SAP130: variants seen among roughly 807,000 people sequenced by gnomAD.
SAP130 encodes histone deacetylase complex subunit SAP130.
In SAP130, 16 loss-of-function variants were observed where a neutral mutation model predicts 103.2. That is an observed-to-expected ratio of 0.16 (90% confidence interval 0.10 to 0.24). The LOEUF is 0.24. Among genes scored for constraint, SAP130 ranks in the 10% least tolerant of loss-of-function variants. The pLI is 1.00. For missense variants in SAP130, 990 were observed against 1,359.7 expected, an observed-to-expected ratio of 0.73 and a Z score of 4.28; for synonymous variants, 477 against 497.0, an observed-to-expected ratio of 0.96 and a Z score of 0.53.
At position 127,978,106 on chromosome 2, in the gene SAP130, A is replaced by G. The variant is rs1373156458; in HGVS notation, c.1959-17T>C. On this transcript the variant is annotated splice_polypyrimidine_tract_variant and intron_variant, in intron 14 of 20. Coordinates refer to ENST00000643581, the MANE Select transcript of SAP130 (RefSeq NM_001330301.2). ...ACTGCCATTCTGAAAGAGACAAGAG[A>G]CAAACCCGGAGAACAGCAGTCCAAG... The G allele has an allele frequency of 5.2e-6, 8 of 1,541,604 alleles. No individual in the cohort carries two copies. In the Admixed American group the frequency reaches 1.6e-4, roughly 30 times the overall value.
At chr2:127,944,000 TTTTC>T (rs1212487454) in intron 19 of SAP130, among the ~76,000 whole-genome samples, 8 of 152,192 alleles carry the variant, frequency 5.3e-5, no homozygotes, top group African/African-American at 1.7e-4. Context: ...ACAAAAAATA[TTTTC>T]TTTCTTTGTA....
rs1679382755 is a variant in SAP130 at position 127,950,013 on chromosome 2, T to C, written c.2672-19A>G. ...TCCTCATCTGTTAAAGAGAAGACAT[T>C]AAACAACTTAGTAACACTGTCAACA... On this transcript the variant is annotated intron_variant, in intron 17 of 20. Coordinates refer to ENST00000643581, the MANE Select transcript of SAP130 (RefSeq NM_001330301.2). 1.2e-6 allele frequency: 2 copies of C among 1,613,564 alleles called. No individual in the cohort carries two copies. The highest frequency in any genetic ancestry group is 1.7e-6 in the Non-Finnish European group (2 of 1,179,668).
intron 1 of SAP130, chr2:128,027,212 C>T (rs1685574616): frequency 1.7e-6 from 2 of 1,210,496 alleles, no homozygotes; most frequent in Admixed American, 4.4e-5. Flanking sequence ...ATCGCGGCGG[C>T]GGCGCCCGGG....
chr2:128,027,648 C>A (rs1404524440), intron 1 of SAP130, among the ~76,000 whole-genome samples: 1 of 144,236 alleles, frequency 6.9e-6, no homozygotes, highest in Non-Finnish European at 1.5e-5. Flanking sequence ...CCCGCCCGCG[C>A]TCCCCCGGCC....
In SAP130 at chr2:127,986,925, G is replaced by A. The variant is rs754220405; in HGVS notation, c.1818C>T (p.Asn606=). Residue 606 remains asparagine (N), a synonymous_variant, in exon 14 of 21, where the codon AAC becomes AAT. Coordinates refer to ENST00000643581, the MANE Select transcript of SAP130 (RefSeq NM_001330301.2). This position sits in a 1 kb window ranked among gnomAD's most constrained non-coding sequence, Gnocchi z 4.7. Reference sequence around the variant, plus strand: ...CAGCACTGAATGGATTGCTAATAGGGTTGGCCACAATTGTGGCTCCATCTG... The same window carrying A: ...CAGCACTGAATGGATTGCTAATAGGATTGGCCACAATTGTGGCTCCATCTG... The part of the protein sequence containing the change: ...VLADGATIVA[N]PISNPFSAAP... The A allele has an allele frequency of 6.2e-7, 1 of 1,614,004 alleles. No homozygotes were observed. The highest frequency in any genetic ancestry group is 8.5e-7 in the Non-Finnish European group (1 of 1,179,870).
At chr2:127,945,434 C>T (rs1173062742) in intron 19 of SAP130, 22 bp downstream of exon 19, 1 of 1,438,706 alleles carries the variant, frequency 7.0e-7, no homozygotes, top group Admixed American at 1.7e-5. Flanking sequence ...GCATGATGAA[C>T]AACTGCTAGA....
chr2:128,002,386 G>C (rs111480936), intron 7 of SAP130, among the ~76,000 whole-genome samples: 12,666 of 151,922 alleles, frequency 0.083, 985 homozygotes, highest in African/African-American at 0.2. Context: ...AAAATTAACC[G>C]GGTGCGGTGG....
intron 14 of SAP130, among the ~76,000 whole-genome samples, chr2:127,985,732 T>G (rs1048700549): frequency 3.3e-5 from 5 of 151,892 alleles, no homozygotes; most frequent in African/African-American, 1.2e-4. Context: ...ATTTTTGTTT[T>G]CCTGCCCAAA....
intron 10 of SAP130, 40 bp downstream of exon 10, chr2:127,999,701 C>G (rs202231812): frequency 8.0e-7 from 1 of 1,249,178 alleles, no homozygotes; most frequent in Non-Finnish European, 1.1e-6. Context: ...GGTTACAGCA[C>G]TCCTGGTAAG....
At chr2:127,970,382 A>T (rs190723158) in intron 15 of SAP130, among the ~76,000 whole-genome samples, 2 of 151,278 alleles carry the variant, frequency 1.3e-5, no homozygotes, top group African/African-American at 4.9e-5. Context: ...CTCTACTAAA[A>T]ATACAAAAAT....
rs1678767068 is a variant in SAP130, at chr2:127,942,327, A to T, written c.3015+97T>A. 2 of 1,082,264 alleles carry T rather than the reference A, an allele frequency of 1.8e-6. No individual in the cohort carries two copies. The highest frequency in any genetic ancestry group is 2.0e-5 in the Admixed American group (1 of 50,918). The allele number at this position is 1,082,264 out of a possible 1,614,324, so 67.0% of individuals were successfully genotyped here. ...GGCTGAAGCACGTATGTTTTTACTGAAGATATGAGGGAGACGGGGGGAAAC... is the reference window on the plus strand; with the variant it reads ...GGCTGAAGCACGTATGTTTTTACTGTAGATATGAGGGAGACGGGGGGAAAC... On this transcript the variant is annotated intron_variant, in intron 20 of 20. Transcript: ENST00000643581. The surrounding 1 kb of genome is among the most constrained non-coding windows in gnomAD (Gnocchi z 4.8).
At chr2:127,943,432 T>A (rs1224847244) in intron 19 of SAP130, among the ~76,000 whole-genome samples, 1 of 152,146 alleles carries the variant, frequency 6.6e-6, no homozygotes, top group Non-Finnish European at 1.5e-5. Context: ...TTCTGAGAAA[T>A]GTCTTTAGGA....
Position 127,986,742 on chromosome 2 carries a change from T to C in SAP130, c.1958+43A>G, listed in dbSNP as rs1022589834. On this transcript the variant is annotated intron_variant, in intron 14 of 20. Transcript: ENST00000643581. The surrounding 1 kb of genome is among the most constrained non-coding windows in gnomAD (Gnocchi z 4.7). The stretch of plus-strand genomic sequence containing the variant: ...GTGCCTATTATGTATACCAGTTATA[T>C]CCAGAACCAGAGGTGTCATTCGGCA... 5.0e-6 allele frequency: 8 copies of C among 1,590,288 alleles called. No homozygotes were observed. In the African/African-American group the frequency reaches 8.1e-5, roughly 16 times the overall value.
Position 127,953,589 on chromosome 2 carries a change from C to G in SAP130, c.2422+1397G>C, listed in dbSNP as rs1195151972. On this transcript the variant is annotated intron_variant, in intron 16 of 20. Transcript: ENST00000643581. The surrounding 1 kb of genome is among the most constrained non-coding windows in gnomAD (Gnocchi z 4.0). ...TGATCTGATCCTGCTGCCTGCCACT[C>G]CCCTTATTACTTAGCTCCAGCGACC... 1.3e-5 allele frequency among the ~76,000 whole-genome samples: 2 copies of G among 152,196 alleles called. No individual in the cohort carries two copies. The highest frequency in any genetic ancestry group is 1.3e-4 in the Admixed American group (2 of 15,276).
chr2:128,012,899 CTG>C, intron 6 of SAP130, 129 bp downstream of exon 6: 1 of 823,658 alleles, frequency 1.2e-6, no homozygotes, highest in South Asian at 2.9e-5. Flanking sequence ...CCACATGACA[CTG>C]TGCATCTTTC....
At chr2:127,985,207 C>A (rs1026960750) in intron 14 of SAP130, among the ~76,000 whole-genome samples, 1 of 152,200 alleles carries the variant, frequency 6.6e-6, no homozygotes, top group African/African-American at 2.4e-5. Context: ...TGTGTGTAAT[C>A]AATCTGTCAT....
intron 16 of SAP130, 123 bp downstream of exon 16, chr2:127,954,863 A>T (rs1438039688): frequency 1.4e-6 from 1 of 694,174 alleles, no homozygotes; most frequent in Non-Finnish European, 2.4e-6. Flanking sequence ...ATGACATGCA[A>T]CATCTAAAAT....
chr2:127,957,117 A>G (rs1050948929), intron 15 of SAP130, among the ~76,000 whole-genome samples: 7 of 152,136 alleles, frequency 4.6e-5, no homozygotes, highest in African/African-American at 1.4e-4. Flanking sequence ...CCTGGGCAAA[A>G]TAGTAAGACC....
In SAP130 at chr2:127,950,418, G is replaced by C. The variant is rs1679418638; in HGVS notation, c.2423-10C>G. On this transcript the variant is annotated splice_polypyrimidine_tract_variant and intron_variant, in intron 16 of 20. Transcript: ENST00000643581. The stretch of plus-strand genomic sequence containing the variant: ...GCCAGTGGAGGAACTGCTGTCATAG[G>C]AAAAGGAGCACACATATCTGTAAGA... 1.2e-6 allele frequency: 2 copies of C among 1,613,950 alleles called. No homozygotes were observed. The highest frequency in any genetic ancestry group is 1.7e-6 in the Non-Finnish European group (2 of 1,179,872).
Sources: gnomAD v4.1 joint callset for allele counts (sites outside exome capture counted in the v4.1 genomes callset) on GRCh38, gnomAD v4.1.1 for gene constraint, Gnocchi (gnomAD v3.1) non-coding constraint, MANE v1.5 for transcripts, NCBI Gene and HGNC (gene_info 2026-07-23, HGNC 2026-07-21) for gene names.